The following GCNT2 variants were observed in gnomAD, a reference collection of about 807,000 sequenced individuals.
The protein encoded by GCNT2 is glucosaminyl (N-acetyl) transferase 2 (I blood group), also known as N-acetyllactosaminide beta-1,6-N-acetylglucosaminyl-transferase.
Under a neutral mutation model 34.2 loss-of-function variants are expected in GCNT2, and 34 were observed. The observed-to-expected ratio is 1.00, with a 90% confidence interval of 0.76 to 1.32. The LOEUF is 1.32. GCNT2 is among the 40% of genes most tolerant of loss of function. The pLI is 0.00. For synonymous variants in GCNT2, 212 were observed against 188.0 expected, an observed-to-expected ratio of 1.13 and a Z score of -1.04; for missense variants, 584 against 489.4, an observed-to-expected ratio of 1.19 and a Z score of -1.82.
chr6:10,626,370 T>C, intron 4 of GCNT2, 47 bp from the exon 5 acceptor site: 1 of 1,394,102 alleles, frequency 7.2e-7, no homozygotes, highest in Non-Finnish European at 1.0e-6. Context: ...ATCACCCTTT[T>C]GAAAGCAAGC....
intron 3 of GCNT2, among the ~76,000 whole-genome samples, chr6:10,610,508 CA>C (rs1175864485): frequency 6.6e-6 from 1 of 152,134 alleles, no homozygotes; most frequent in Non-Finnish European, 1.5e-5. Context: ...TGCTCTGAGC[CA>C]AGGATTGCCT....
chr6:10,557,527 G>T (rs1360276584), intron 3 of GCNT2, among the ~76,000 whole-genome samples: 2 of 151,572 alleles, frequency 1.3e-5, no homozygotes, highest in African/African-American at 4.9e-5. Flanking sequence ...TCACTCTGTG[G>T]CCCAGGCTGG....
intron 4 of GCNT2, 75 bp from the exon 5 acceptor site, chr6:10,626,342 C>G (rs563140251): frequency 4.5e-4 from 465 of 1,027,118 alleles, no homozygotes; most frequent in Admixed American, 7.1e-4. Flanking sequence ...GAGAGTACCT[C>G]TAGTATTCTG....
At chr6:10,581,693 T>C (rs571399749) in intron 3 of GCNT2, 13 of 950,772 alleles carry the variant, frequency 1.4e-5, no homozygotes, top group Admixed American at 1.2e-4. Flanking sequence ...TTGGCACTTA[T>C]CAGAGCTCCT....
In GCNT2 at chr6:10,545,185, A is replaced by C. The variant is rs962056237; in HGVS notation, c.925+15349A>C. ...TTCTAGTCTATATCCTTTTCCTCCC[A>C]GCTCTTGCACGGTGAGCTGAAGGGT... On this transcript the variant is annotated intron_variant, in intron 3 of 4. Coordinates refer to ENST00000495262, the MANE Select transcript of GCNT2 (RefSeq NM_145649.5). Among the ~76,000 whole-genome samples, 4 of 151,372 alleles carry C rather than the reference A, an allele frequency of 2.6e-5. 1 individual carries two copies. The highest frequency in any genetic ancestry group is 4.4e-5 in the Non-Finnish European group (3 of 67,962).
chr6:10,625,518 T>TA lies in GCNT2; in HGVS notation c.1019-885dup, dbSNP rs572557483. On this transcript the variant is annotated intron_variant, in intron 4 of 4. Coordinates refer to ENST00000495262, the MANE Select transcript of GCNT2 (RefSeq NM_145649.5). ...TCCCCACCCCAAAAGCTATTGAGGTTAAAAAAAAAAAAAATTTCAATATTG... is the reference window on the plus strand; with the variant it reads ...TCCCCACCCCAAAAGCTATTGAGGTTAAAAAAAAAAAAAAATTTCAATATTG... Among the ~76,000 whole-genome samples, 86 of 145,624 alleles carry TA rather than the reference T, an allele frequency of 5.9e-4. 1 individual carries two copies. Among genetic ancestry groups the TA allele is most frequent in the Middle Eastern group, 3.5e-3 (1 of 284 alleles).
At chr6:10,583,420 A>G (rs981384129) in intron 3 of GCNT2, among the ~76,000 whole-genome samples, 5 of 151,858 alleles carry the variant, frequency 3.3e-5, no homozygotes, top group African/African-American at 1.2e-4. Context: ...AGCAGGGCCC[A>G]CTCTTAACAT....
At chr6:10,617,589 T>C (rs1270089030) in intron 3 of GCNT2, among the ~76,000 whole-genome samples, 1 of 152,156 alleles carries the variant, frequency 6.6e-6, no homozygotes, top group East Asian at 1.9e-4. Flanking sequence ...TTAGAATGCG[T>C]AACCATCTGG....
chr6:10,529,883 G>C, intron 3 of GCNT2, 47 bp downstream of exon 3: 1 of 1,380,974 alleles, frequency 7.2e-7, no homozygotes, highest in Non-Finnish European at 1.0e-6. Flanking sequence ...ACACTGCATG[G>C]TCAATACTAA....
chr6:10,598,425 C>T (rs868357194), intron 3 of GCNT2, among the ~76,000 whole-genome samples: 4 of 152,122 alleles, frequency 2.6e-5, no homozygotes, highest in Non-Finnish European at 5.9e-5. Flanking sequence ...TTATATTACA[C>T]CGTGGACAGT....
chr6:10,599,067 C>T (rs1764981864), intron 3 of GCNT2, among the ~76,000 whole-genome samples: 1 of 152,100 alleles, frequency 6.6e-6, no homozygotes, highest in African/African-American at 2.4e-5. Flanking sequence ...ATGCAGTCCC[C>T]CAAAGTGCCA....
At chr6:10,585,064 TGTGTGTGTGTGTGTGCGC>T (rs1337819407) in intron 3 of GCNT2, among the ~76,000 whole-genome samples, 4,267 of 140,600 alleles carry the variant, frequency 0.03, 247 homozygotes, top group African/African-American at 0.12. Flanking sequence ...TGTGTGTGTG[TGTGTGTGTGTGTGTGCGC>T]GCTATATTCT....
Position 10,528,985 on chromosome 6 carries a change from A to C in GCNT2, c.74A>C (p.Asn25Thr). ...GCCCTGATTTTTGTATTTGTTTACAATACTGAGTTATGGGAGAATAAACGT... is the reference window on the plus strand; with the variant it reads ...GCCCTGATTTTTGTATTTGTTTACACTACTGAGTTATGGGAGAATAAACGT... ...ISALIFVFVY[N>T]TELWENKRFL... The change falls in exon 3 of 5, where the codon AAT becomes ACT. Residue 25 changes from asparagine to threonine, a missense_variant. Coordinates refer to ENST00000495262, the MANE Select transcript of GCNT2 (RefSeq NM_145649.5). 1 of 1,614,008 alleles carries C rather than the reference A, an allele frequency of 6.2e-7. No individual in the cohort carries two copies. Among genetic ancestry groups the C allele is most frequent in the Non-Finnish European group, 8.5e-7 (1 of 1,179,842 alleles).
rs1410475264 is a variant in GCNT2 at position 10,529,823 on chromosome 6, C to T, written c.912C>T (p.Leu304=). Reference sequence around the variant, plus strand: ...CCGACGAACATTTCTGGGTGACACTCAACAGGATTCCCGGTATGTACGTCT... The same window carrying T: ...CCGACGAACATTTCTGGGTGACACTTAACAGGATTCCCGGTATGTACGTCT... ...YSPDEHFWVT[L]NRIPGVPGSM... is the part of the protein sequence containing the mutation. The change falls in exon 3 of 5, where the codon CTC becomes CTT. Residue 304 remains leucine (L), a synonymous_variant. Transcript: ENST00000495262. 1.2e-6 allele frequency: 2 copies of T among 1,612,770 alleles called. No homozygotes were observed. The highest frequency in any genetic ancestry group is 1.6e-4 in the Middle Eastern group (1 of 6,084).
chr6:10,528,733 A>AG lies in GCNT2; in HGVS notation c.-178dup. 1.6e-6 allele frequency: 1 copy of AG among 638,280 alleles called. No individual in the cohort carries two copies. The highest frequency in any genetic ancestry group is 2.8e-6 in the Non-Finnish European group (1 of 359,828). 39.5% of individuals were successfully genotyped at this position (638,280 alleles called of 1,614,324 possible). A position where few individuals can be genotyped will look rare whatever the true frequency, so the allele number is the denominator to read the frequency against. On this transcript the variant is annotated 5_prime_UTR_variant, in exon 3 of 5. Transcript: ENST00000495262. ...GAAAATGCAACCTAGTGGTAAGTGAAGAGGGGAAGAAGAAAGAAAAAGGAC... is the reference window on the plus strand; with the variant it reads ...GAAAATGCAACCTAGTGGTAAGTGAAGGAGGGGAAGAAGAAAGAAAAAGGAC...
In GCNT2 at chr6:10,529,682, CATG is replaced by C. The variant is rs1361715323; in HGVS notation, c.772_774del (p.Met258del). ...AATTAAAAACTCCTCCTCCTCATGA[CATG>C]GTGATTTACTTTGGCACGGCCTACG... On this transcript the variant is annotated inframe_deletion, in exon 3 of 5. Transcript: ENST00000495262. 3 of 1,613,992 alleles carry C rather than the reference CATG, an allele frequency of 1.9e-6. No homozygotes were observed. The African/African-American group carries it at 4.0e-5, about 22-fold the overall frequency.
intron 3 of GCNT2, among the ~76,000 whole-genome samples, chr6:10,613,437 G>A (rs1450530700): frequency 6.6e-6 from 1 of 151,824 alleles, no homozygotes; most frequent in Non-Finnish European, 1.5e-5. Flanking sequence ...GGATTCTTGT[G>A]AATGAAGGGT....
At chr6:10,535,041 G>A (rs1359013763) in intron 3 of GCNT2, among the ~76,000 whole-genome samples, 1 of 152,046 alleles carries the variant, frequency 6.6e-6, no homozygotes, top group East Asian at 1.9e-4. Context: ...AAAATTAACC[G>A]GGTGTGGTGG....
intron 3 of GCNT2, among the ~76,000 whole-genome samples, chr6:10,558,348 C>G (rs1762817100): frequency 6.6e-6 from 1 of 152,178 alleles, no homozygotes; most frequent in Non-Finnish European, 1.5e-5. Context: ...CCAGAGCTGT[C>G]TCCCTAAGAC....
Sources: gnomAD v4.1 joint callset for allele counts (sites outside exome capture counted in the v4.1 genomes callset) on GRCh38, gnomAD v4.1.1 for gene constraint, MANE v1.5 for transcripts, NCBI Gene and HGNC (gene_info 2026-07-23, HGNC 2026-07-21) for gene names.